Variants in VANGL1 observed in about 807,000 individuals in gnomAD.
The protein encoded by VANGL1 is vang-like protein 1.
A neutral mutation model predicts 48.4 loss-of-function variants in VANGL1; 18 were observed. That is an observed-to-expected ratio of 0.37 (90% CI 0.26 to 0.55). The LOEUF is 0.55. Ranked by LOEUF, VANGL1 falls within the 20% of genes least tolerant of loss-of-function variation. The pLI, the probability that VANGL1 is intolerant of heterozygous loss-of-function variation, is 0.81. For missense variants in VANGL1, 667 were observed against 675.8 expected, an observed-to-expected ratio of 0.99 and a Z score of 0.14; for synonymous variants, 257 against 261.8, an observed-to-expected ratio of 0.98 and a Z score of 0.18.
chr1:115,672,582 TCCAGG>T (rs1472147909), intron 4 of VANGL1, among the ~76,000 whole-genome samples: 2 of 152,120 alleles, frequency 1.3e-5, no homozygotes, highest in Non-Finnish European at 2.9e-5. Flanking sequence ...TCCAACCAAG[TCCAGG>T]CCTTTGTTGT....
At chr1:115,681,503 G>GTTGTTGTT (rs1553189431) in intron 4 of VANGL1, among the ~76,000 whole-genome samples, 1 of 114,880 alleles carries the variant, frequency 8.7e-6, no homozygotes, top group Non-Finnish European at 1.8e-5. Flanking sequence ...TTTTTTTGTT[G>GTTGTTGTT]TTTTTTTTGT....
chr1:115,685,431 GA>G lies in VANGL1; in HGVS notation c.1220del (p.Lys407SerfsTer29). The G allele has an allele frequency of 6.2e-7, 1 of 1,614,174 alleles. No homozygotes were observed. Among genetic ancestry groups the G allele is most frequent in the Non-Finnish European group, 8.5e-7 (1 of 1,180,024 alleles). On this transcript the variant is annotated frameshift_variant, in exon 7 of 8. Transcript: ENST00000355485. LOFTEE classifies it high-confidence loss of function. Reference protein sequence around the residue: ...IFPSMARALQKYLRITRQQNY... With the variant: ...IFPSMARALQXYLRITRQQNY... Reference sequence around the variant, plus strand: ...TCCCCTCCATGGCCAGGGCTCTCCAGAAGTACCTGCGCATCACCCGGCAGCA... The same window carrying G: ...TCCCCTCCATGGCCAGGGCTCTCCAGAGTACCTGCGCATCACCCGGCAGCA...
intron 7 of VANGL1, 65 bp from the exon 8 acceptor site, chr1:115,691,054 G>A (rs1285767818): frequency 2.3e-5 from 37 of 1,611,284 alleles, no homozygotes; most frequent in East Asian, 6.7e-5. Context: ...GTGGATAGCC[G>A]CCTGGCAGTA....
intron 4 of VANGL1, among the ~76,000 whole-genome samples, chr1:115,681,576 G>A (rs945706657): frequency 3.5e-5 from 5 of 143,252 alleles, no homozygotes; most frequent in Admixed American, 7.4e-5. Context: ...GTGCAGTCTC[G>A]GCTCACTGCA....
intron 4 of VANGL1, among the ~76,000 whole-genome samples, chr1:115,681,208 C>G (rs1653371683): frequency 6.6e-6 from 1 of 152,150 alleles, no homozygotes; most frequent in Admixed American, 6.5e-5. Flanking sequence ...GCAAGGTGTT[C>G]TTCAAAGTGG....
At chr1:115,645,288 A>C (rs1651872744) in intron 1 of VANGL1, among the ~76,000 whole-genome samples, 1 of 152,204 alleles carries the variant, frequency 6.6e-6, no homozygotes, top group Non-Finnish European at 1.5e-5. Flanking sequence ...AAATGTGTAT[A>C]AGTTCAGTGA....
At chr1:115,659,037 T>C (rs1054075496) in intron 2 of VANGL1, among the ~76,000 whole-genome samples, 4 of 152,100 alleles carry the variant, frequency 2.6e-5, no homozygotes, top group African/African-American at 9.7e-5. Context: ...TGTTTGTTTC[T>C]ATGGGTGTCT....
At chr1:115,642,542 C>G (rs1016908662) in intron 1 of VANGL1, 3 of 152,272 alleles carry the variant, frequency 2.0e-5, no homozygotes, top group African/African-American at 7.2e-5. Flanking sequence ...CGGGCGCGCA[C>G]CGGGGTTCCC....
chr1:115,659,352 A>C (rs1652459963), intron 2 of VANGL1, among the ~76,000 whole-genome samples: 1 of 152,142 alleles, frequency 6.6e-6, no homozygotes, highest in Non-Finnish European at 1.5e-5. Context: ...TCCTAAAATT[A>C]CAATTTTAGG....
intron 2 of VANGL1, 102 bp from the exon 3 acceptor site, chr1:115,659,539 G>GTGTGTGTGTT (rs1491328138): frequency 1.4e-5 from 18 of 1,266,626 alleles, no homozygotes; most frequent in Non-Finnish European, 2.0e-5. Flanking sequence ...GTGTGTGTGT[G>GTGTGTGTGTT]TATGTAGAAT....
At chr1:115,669,065 C>T (rs1023666973) in intron 4 of VANGL1, among the ~76,000 whole-genome samples, 1 of 152,138 alleles carries the variant, frequency 6.6e-6, no homozygotes, top group African/African-American at 2.4e-5. Flanking sequence ...GCATATAGTT[C>T]TAACAAATTT....
intron 3 of VANGL1, 112 bp downstream of exon 3, chr1:115,659,885 A>T (rs921419310): frequency 6.9e-7 from 1 of 1,458,754 alleles, no homozygotes; most frequent in East Asian, 2.3e-5. Flanking sequence ...TAGCATGCTA[A>T]TTAGTTTATC....
rs968357183 is a variant in VANGL1, at chr1:115,698,060, A to G, written c.*6681A>G. 23 of 152,230 alleles carry G rather than the reference A, an allele frequency of 1.5e-4. No homozygotes were observed. Among genetic ancestry groups the G allele is most frequent in the Admixed American group, 4.6e-4 (7 of 15,284 alleles). The allele number at this position is 152,230 out of a possible 1,614,324, so 9.4% of individuals were successfully genotyped here. A position where few individuals can be genotyped will look rare whatever the true frequency, so the allele number is the denominator to read the frequency against. ...TTCTTCTCATTGTGATGTCAGTAAC[A>G]GAGTTAGTGTCTCTGATGGAATAGT... is the stretch of plus-strand genomic sequence containing the variant. On this transcript the variant is annotated 3_prime_UTR_variant, in exon 8 of 8. Transcript: ENST00000355485.
At chr1:115,665,629 C>A (rs1399395165) in intron 4 of VANGL1, among the ~76,000 whole-genome samples, 2 of 152,194 alleles carry the variant, frequency 1.3e-5, no homozygotes. Context: ...ATCTAGCGTT[C>A]AAGGTTGCTG....
intron 4 of VANGL1, among the ~76,000 whole-genome samples, chr1:115,666,685 G>A (rs74429033): frequency 0.013 from 2,031 of 152,260 alleles, 52 homozygotes; most frequent in Admixed American, 0.063. Flanking sequence ...TCATCCTTTC[G>A]GCTTCTTTTT....
intron 2 of VANGL1, among the ~76,000 whole-genome samples, 158 bp downstream of exon 2, chr1:115,651,642 C>T (rs1403061764): frequency 6.6e-6 from 1 of 152,208 alleles, no homozygotes; most frequent in East Asian, 1.9e-4. Context: ...TTGGGAGTAA[C>T]TACGTCACCA....
chr1:115,678,731 G>A (rs1359470827), intron 4 of VANGL1, among the ~76,000 whole-genome samples: 5 of 152,114 alleles, frequency 3.3e-5, no homozygotes, highest in African/African-American at 7.2e-5. Flanking sequence ...CAAGGTAGGC[G>A]GATCACTTGA....
In VANGL1 at chr1:115,687,920, A is replaced by G. The variant is rs1014858199; in HGVS notation, c.1314+2393A>G. ...GTATTACAGGCCACCACCCCGGCCT[A>G]TATATATCATTCATTAGGTAGATAG... On this transcript the variant is annotated intron_variant, in intron 7 of 7. Transcript: ENST00000355485. Among the ~76,000 whole-genome samples the G allele has an allele frequency of 5.3e-5, 7 of 132,362 alleles. 1 individual carries two copies. Among genetic ancestry groups the G allele is most frequent in the African/African-American group, 2.0e-4 (7 of 34,794 alleles). 86.8% of individuals were successfully genotyped at this position (132,362 alleles called of 152,430 possible).
At chr1:115,684,137 T>C (rs950338447) in intron 6 of VANGL1, 61 bp downstream of exon 6, 4 of 1,336,114 alleles carry the variant, frequency 3.0e-6, no homozygotes, top group South Asian at 1.5e-5. Context: ...ATTTTATTTA[T>C]TTATTTATTT....
Sources: gnomAD v4.1 joint callset for allele counts (sites outside exome capture counted in the v4.1 genomes callset) on GRCh38, gnomAD v4.1.1 for gene constraint, MANE v1.5 for transcripts, NCBI Gene and HGNC (gene_info 2026-07-23, HGNC 2026-07-21) for gene names.